The following CLDN14 variants were observed in gnomAD, a reference collection of about 807,000 sequenced individuals.
CLDN14 encodes claudin 14, also known as claudin-14.
Under a neutral mutation model 2.1 loss-of-function variants are expected in CLDN14, and 2 were observed. The observed-to-expected ratio is 0.96, with a 90% confidence interval of 0.39 to 3.01. CLDN14 has a LOEUF of 3.01. Among genes scored for constraint, CLDN14 ranks in the 30% most tolerant of loss-of-function variants. The pLI, the probability that CLDN14 is intolerant of heterozygous loss-of-function variation, is 0.09. For synonymous variants in CLDN14, 136 were observed against 154.4 expected, an observed-to-expected ratio of 0.88 and a Z score of 0.88; for missense variants, 298 against 328.0, an observed-to-expected ratio of 0.91 and a Z score of 0.71.
Position 36,499,151 on chromosome 21 carries a change from G to C in CLDN14, c.-82+11212C>G, listed in dbSNP as rs747894029. 2.0e-5 allele frequency among the ~76,000 whole-genome samples: 3 copies of C among 152,216 alleles called. No homozygotes were observed. The East Asian group carries it at 5.8e-4, about 29-fold the overall frequency. Reference sequence around the variant, plus strand: ...CCACAGGACTCAAGAAATAAGCCCAGAGCACACATCGGTTTTGTGGGGGCA... The same window carrying C: ...CCACAGGACTCAAGAAATAAGCCCACAGCACACATCGGTTTTGTGGGGGCA... On this transcript the variant is annotated intron_variant, in intron 2 of 2. Transcript: ENST00000342108. This position sits in a 1 kb window ranked among gnomAD's most constrained non-coding sequence, Gnocchi z 4.7.
intron 2 of CLDN14, among the ~76,000 whole-genome samples, chr21:36,494,796 C>T (rs1018120576): frequency 6.6e-6 from 1 of 152,234 alleles, no homozygotes; most frequent in Non-Finnish European, 1.5e-5. Context: ...GCCTCCAGAA[C>T]TGTGAGACAA....
intron 2 of CLDN14, chr21:36,486,104 A>T: frequency 7.4e-7 from 1 of 1,354,446 alleles, no homozygotes; most frequent in Non-Finnish European, 1.1e-6. Context: ...GTTCTCCAGG[A>T]CACTCTGAAG....
chr21:36,565,732 C>A (rs2146526551), intron 1 of CLDN14, among the ~76,000 whole-genome samples: 1 of 152,310 alleles, frequency 6.6e-6, no homozygotes, highest in Non-Finnish European at 1.5e-5. Context: ...TTGGCCCCTA[C>A]CATAAATAGT....
chr21:36,513,390 A>G (rs1001389886), intron 1 of CLDN14, among the ~76,000 whole-genome samples: 1 of 152,248 alleles, frequency 6.6e-6, no homozygotes, highest in Non-Finnish European at 1.5e-5. Flanking sequence ...GGATGTTGGT[A>G]GAAAGATGGA....
intron 1 of CLDN14, among the ~76,000 whole-genome samples, chr21:36,537,995 G>C (rs1266506558): frequency 1.3e-5 from 2 of 151,678 alleles, no homozygotes; most frequent in African/African-American, 2.4e-5. Flanking sequence ...CAAAATGTGT[G>C]TGTGTGTGTG....
intron 1 of CLDN14, among the ~76,000 whole-genome samples, chr21:36,519,741 C>T (rs945397906): frequency 2.6e-5 from 4 of 151,852 alleles, no homozygotes; most frequent in Admixed American, 6.6e-5. Flanking sequence ...AACAAAACCC[C>T]AAAAACAAAA....
chr21:36,533,546 C>T (rs771985565), intron 1 of CLDN14, among the ~76,000 whole-genome samples: 3 of 152,040 alleles, frequency 2.0e-5, no homozygotes, highest in Admixed American at 6.6e-5. Context: ...CATTGTACCA[C>T]GTGGGAAAAT....
intron 1 of CLDN14, among the ~76,000 whole-genome samples, chr21:36,472,834 G>T (rs1296285931): frequency 6.6e-6 from 1 of 152,090 alleles, no homozygotes; most frequent in Admixed American, 6.6e-5. Flanking sequence ...ATCTCATTGT[G>T]AGGGCACCCA....
At chr21:36,557,181 A>G (rs2087604656) in intron 1 of CLDN14, among the ~76,000 whole-genome samples, 1 of 152,110 alleles carries the variant, frequency 6.6e-6, no homozygotes, top group Non-Finnish European at 1.5e-5. Flanking sequence ...GTCTTTATCC[A>G]TTCATCTGTC....
chr21:36,539,321 C>A lies in CLDN14; in HGVS notation c.-219-28821G>T, dbSNP rs554982904. The stretch of plus-strand genomic sequence containing the variant: ...GTGTGGTGTGTGTGCAGAGTGAGTG[C>A]GTGTGGAGTGTGTGTGGAGTGAGTG... On this transcript the variant is annotated intron_variant, in intron 1 of 2. Coordinates refer to the CLDN14 transcript ENST00000342108. Among the ~76,000 whole-genome samples the A allele has an allele frequency of 1.6e-4, 24 of 148,590 alleles. 1 individual carries two copies. In the South Asian group the frequency reaches 5.0e-3, roughly 31 times the overall value.
intron 1 of CLDN14, among the ~76,000 whole-genome samples, chr21:36,566,014 A>G (rs2087670615): frequency 6.6e-6 from 1 of 152,100 alleles, no homozygotes; most frequent in Non-Finnish European, 1.5e-5. Flanking sequence ...TAGTTTGAAA[A>G]CCATTGAAAC....
chr21:36,484,386 T>C (rs1214820690), upstream of CLDN14, among the ~76,000 whole-genome samples: 1 of 151,986 alleles, frequency 6.6e-6, no homozygotes, highest in Non-Finnish European at 1.5e-5. Flanking sequence ...AGCATTGGTG[T>C]TTTGGTGCTG....
At chr21:36,489,798 C>T (rs1392969787) in intron 2 of CLDN14, among the ~76,000 whole-genome samples, 1 of 152,234 alleles carries the variant, frequency 6.6e-6, no homozygotes, top group Non-Finnish European at 1.5e-5. Flanking sequence ...GTCCAGTCCT[C>T]ACGGCTGGCC....
intron 1 of CLDN14, among the ~76,000 whole-genome samples, chr21:36,513,099 A>T (rs1163701914): frequency 1.3e-5 from 2 of 152,148 alleles, no homozygotes; most frequent in Non-Finnish European, 2.9e-5. Context: ...GTCTCACGAG[A>T]TATCTGGAAA....
intron 1 of CLDN14, chr21:36,531,982 T>C (rs1460281056): frequency 6.6e-6 from 1 of 152,142 alleles, no homozygotes; most frequent in East Asian, 1.9e-4. Context: ...TGCAGGAAGA[T>C]GTACGTGAAA....
chr21:36,513,250 A>G (rs2087199670), intron 1 of CLDN14, among the ~76,000 whole-genome samples: 2 of 152,230 alleles, frequency 1.3e-5, no homozygotes, highest in Non-Finnish European at 1.5e-5. Context: ...GCTCTTAAAA[A>G]GAAGAACAAA....
rs747236703 is a variant in CLDN14, at chr21:36,568,750, T to C, written c.-220+7661A>G. 3.3e-5 allele frequency among the ~76,000 whole-genome samples: 5 copies of C among 152,186 alleles called. No individual in the cohort carries two copies. The South Asian group carries it at 8.3e-4, about 25-fold the overall frequency. ...AAGAAAAAAAGAAGGGAAATATTCA[T>C]TTTTCTACACCCTCTTTCCTCTTCT... On this transcript the variant is annotated intron_variant, in intron 1 of 2. Coordinates refer to the CLDN14 transcript ENST00000342108.
In CLDN14 at chr21:36,490,550, G is replaced by A. The variant is rs542455379; in HGVS notation, c.-82+19813C>T. On this transcript the variant is annotated intron_variant, in intron 2 of 2. Transcript: ENST00000342108. ...ATGACAGGTGTGCACCACCATTCCA[G>A]GCTAATTTTTGTATTTCTAGTAGAG... Among the ~76,000 whole-genome samples, 343 of 151,692 alleles carry A rather than the reference G, an allele frequency of 2.3e-3. 2 individuals carry two copies. Among genetic ancestry groups the A allele is most frequent in the African/African-American group, 7.9e-3 (327 of 41,380 alleles).
rs1568855498 is a variant in CLDN14, at chr21:36,489,134, ATATATATAT to A, written c.-82+21220_-82+21228del. ...GTCTCAAAGAAAAAAAAAAAAAAAT[ATATATATAT>A]ATATATATATATATGGAGAGAGAGA... On this transcript the variant is annotated intron_variant, in intron 2 of 2. Transcript: ENST00000342108. 1.9e-4 allele frequency among the ~76,000 whole-genome samples: 16 copies of A among 85,660 alleles called. No individual in the cohort carries two copies. The South Asian group carries it at 3.3e-3, about 18-fold the overall frequency. The allele number at this position is 85,660 out of a possible 152,430, so 56.2% of individuals were successfully genotyped here. A position where few individuals can be genotyped will look rare whatever the true frequency, so the allele number is the denominator to read the frequency against.
Sources: allele counts gnomAD v4.1 joint callset (sites outside exome capture counted in the v4.1 genomes callset), GRCh38; gene constraint gnomAD v4.1.1; non-coding constraint Gnocchi (gnomAD v3.1); transcripts MANE v1.5; gene names NCBI Gene and HGNC (gene_info 2026-07-23, HGNC 2026-07-21).